SLC35F4: variants seen among roughly 807,000 people sequenced by gnomAD.
The protein encoded by SLC35F4 is chromosome 14 open reading frame 36.
SLC35F4 carries 24 observed loss-of-function variants against 44.2 expected under a neutral mutation model. That is an observed-to-expected ratio of 0.54 (90% CI 0.39 to 0.76). The LOEUF (loss-of-function observed/expected upper bound fraction) is 0.76, where lower values mean the gene tolerates loss of function less well. SLC35F4 is among the 30% of genes least tolerant of loss of function. SLC35F4 has a pLI of 0.00. For missense variants in SLC35F4, 562 were observed against 586.1 expected, an observed-to-expected ratio of 0.96 and a Z score of 0.42; for synonymous variants, 238 against 223.6, an observed-to-expected ratio of 1.06 and a Z score of -0.57.
intron 1 of SLC35F4, among the ~76,000 whole-genome samples, chr14:57,852,372 G>T (rs1886657150): frequency 6.6e-6 from 1 of 152,156 alleles, no homozygotes; most frequent in Non-Finnish European, 1.5e-5. Flanking sequence ...GGTCATGAAA[G>T]TGTGGTGGCA....
At position 57,865,945 on chromosome 14, in the gene SLC35F4, G is replaced by C; in HGVS notation, c.-120C>G. 1 of 579,306 alleles carries C rather than the reference G, an allele frequency of 1.7e-6. No homozygotes were observed. The allele number at this position is 579,306 out of a possible 1,614,324, so 35.9% of individuals were successfully genotyped here. A position where few individuals can be genotyped will look rare whatever the true frequency, so the allele number is the denominator to read the frequency against. On this transcript the variant is annotated 5_prime_UTR_variant, in exon 1 of 8. Transcript: ENST00000556826. ...TCTTGCAGCTCCTGCTCCCGCGCCC[G>C]GGCTCTGACTCCACCGCCCGGCGCA...
chr14:57,774,433 G>C (rs1478894995), intron 1 of SLC35F4, among the ~76,000 whole-genome samples: 2 of 152,200 alleles, frequency 1.3e-5, no homozygotes, highest in Non-Finnish European at 2.9e-5. Flanking sequence ...CTGGTGCAGA[G>C]TCCAGAGGGC....
At chr14:57,800,826 A>G (rs2078174653) in intron 1 of SLC35F4, among the ~76,000 whole-genome samples, 1 of 152,230 alleles carries the variant, frequency 6.6e-6, no homozygotes, top group Non-Finnish European at 1.5e-5. Context: ...AGAAAAAAGA[A>G]TGAAAAGGAA....
intron 1 of SLC35F4, among the ~76,000 whole-genome samples, chr14:57,695,019 T>C (rs2075341112): frequency 6.6e-6 from 1 of 152,128 alleles, no homozygotes; most frequent in Admixed American, 6.6e-5. Flanking sequence ...AAAGATTAAT[T>C]CAAGATGGAT....
intron 4 of SLC35F4, among the ~76,000 whole-genome samples, chr14:57,578,146 TA>T (rs891012182): frequency 4.9e-4 from 65 of 131,540 alleles, no homozygotes; most frequent in Middle Eastern, 3.9e-3. Flanking sequence ...CTTTTTACAT[TA>T]AAAAAAAAAA....
chr14:57,771,008 A>T (rs2077350372), intron 1 of SLC35F4, among the ~76,000 whole-genome samples: 1 of 152,200 alleles, frequency 6.6e-6, no homozygotes, highest in Non-Finnish European at 1.5e-5. Context: ...ATTTCAAATC[A>T]AGCCTTCCCC....
chr14:57,958,249 G>A (rs554871316), intron 1 of SLC35F4, among the ~76,000 whole-genome samples: 119 of 152,116 alleles, frequency 7.8e-4, no homozygotes, highest in South Asian at 2.3e-3. Context: ...TAGTAGAGAC[G>A]GGGTTTCACC....
chr14:57,917,877 A>G (rs1157719616), intron 1 of SLC35F4, among the ~76,000 whole-genome samples: 3 of 152,138 alleles, frequency 2.0e-5, no homozygotes, highest in Non-Finnish European at 4.4e-5. Flanking sequence ...GTGGCCCTGC[A>G]TTATGAACCT....
At chr14:57,617,130 CT>C (rs3054446) in intron 1 of SLC35F4, among the ~76,000 whole-genome samples, 41 of 99,260 alleles carry the variant, frequency 4.1e-4, no homozygotes, top group East Asian at 1.0e-3. Context: ...TGTACTTATT[CT>C]TTTTTTTTTT....
intron 1 of SLC35F4, among the ~76,000 whole-genome samples, chr14:57,970,479 T>C (rs1881020704): frequency 6.6e-6 from 1 of 152,234 alleles, no homozygotes; most frequent in African/African-American, 2.4e-5. Flanking sequence ...TAAAAGAGTC[T>C]ATGGGTGATG....
intron 1 of SLC35F4, among the ~76,000 whole-genome samples, chr14:57,927,636 A>C (rs1202061664): frequency 4.6e-5 from 7 of 151,728 alleles, no homozygotes; most frequent in Non-Finnish European, 1.0e-4. Context: ...GATTACAGGC[A>C]CCTGCCACCA....
chr14:57,693,399 GT>G (rs1226073531), intron 1 of SLC35F4, among the ~76,000 whole-genome samples: 3 of 152,084 alleles, frequency 2.0e-5, no homozygotes, highest in African/African-American at 7.2e-5. Flanking sequence ...CTGGAAGGTT[GT>G]GGGTTTACCG....
chr14:57,593,839 A>C, intron 2 of SLC35F4, 100 bp downstream of exon 2: 1 of 1,301,750 alleles, frequency 7.7e-7, no homozygotes, highest in South Asian at 1.4e-5. Context: ...TACTCATAAG[A>C]GTCCGTGTAA....
intron 1 of SLC35F4, among the ~76,000 whole-genome samples, chr14:57,718,833 C>A (rs28820916): frequency 1.3e-5 from 2 of 151,824 alleles, no homozygotes; most frequent in South Asian, 4.2e-4. Flanking sequence ...TGTACAGAAG[C>A]TTTTTAATGT....
At chr14:57,847,740 T>C (rs1886165358) in intron 1 of SLC35F4, among the ~76,000 whole-genome samples, 1 of 152,200 alleles carries the variant, frequency 6.6e-6, no homozygotes, top group African/African-American at 2.4e-5. Context: ...ACAATATTAT[T>C]TTCCCCCATG....
At chr14:57,970,341 A>G (rs1316871460) in intron 1 of SLC35F4, among the ~76,000 whole-genome samples, 1 of 152,140 alleles carries the variant, frequency 6.6e-6, no homozygotes, top group African/African-American at 2.4e-5. Flanking sequence ...CTTGATCATC[A>G]CTTTTAAGAA....
At chr14:57,630,583 GA>G (rs1378022703) in intron 1 of SLC35F4, 50 of 955,464 alleles carry the variant, frequency 5.2e-5, no homozygotes, top group East Asian at 7.4e-5. Flanking sequence ...AGGAATTAGG[GA>G]AAAAAAGAAC....
intron 1 of SLC35F4, among the ~76,000 whole-genome samples, chr14:57,956,399 A>T (rs1890238668): frequency 6.6e-6 from 1 of 152,224 alleles, no homozygotes; most frequent in African/African-American, 2.4e-5. Context: ...TCATGTCTAA[A>T]ATACCAAAAG....
At chr14:57,835,693 G>C (rs938883775) in intron 1 of SLC35F4, among the ~76,000 whole-genome samples, 1 of 152,164 alleles carries the variant, frequency 6.6e-6, no homozygotes, top group African/African-American at 2.4e-5. Context: ...AGTCCTGGAG[G>C]ACAGGCCAAA....
Sources: allele counts gnomAD v4.1 joint callset (sites outside exome capture counted in the v4.1 genomes callset), GRCh38; gene constraint gnomAD v4.1.1; transcripts MANE v1.5; gene names NCBI Gene and HGNC (gene_info 2026-07-23, HGNC 2026-07-21).